Variants in DPY19L3 observed in about 807,000 individuals in gnomAD.
The protein encoded by DPY19L3 is protein C-mannosyl-transferase DPY19L3.
A neutral mutation model predicts 92.3 loss-of-function variants in DPY19L3; 51 were observed. The ratio of observed to expected loss-of-function variants is 0.55; its 90% CI spans 0.44 to 0.70. The LOEUF is 0.70. Among genes scored for constraint, DPY19L3 ranks in the 30% least tolerant of loss-of-function variants. The pLI is 0.00. For synonymous variants in DPY19L3, 309 were observed against 315.2 expected (o/e 0.98, Z 0.21); for missense variants, 706 against 855.9 (o/e 0.82, Z 2.18).
chr19:32,441,689 G>A (rs1181224203), intron 8 of DPY19L3, among the ~76,000 whole-genome samples: 1 of 151,968 alleles, frequency 6.6e-6, no homozygotes, highest in Non-Finnish European at 1.5e-5. Flanking sequence ...GTAGAGACAG[G>A]GTTTTGCCAT....
intron 1 of DPY19L3, among the ~76,000 whole-genome samples, chr19:32,407,719 A>G (rs1968023903): frequency 6.6e-6 from 1 of 152,210 alleles, no homozygotes; most frequent in Non-Finnish European, 1.5e-5. Flanking sequence ...ATGCTTCATG[A>G]ATAAATATGA....
chr19:32,478,561 T>C (rs1275200417), intron 17 of DPY19L3, among the ~76,000 whole-genome samples: 1 of 152,196 alleles, frequency 6.6e-6, no homozygotes, highest in African/African-American at 2.4e-5. Context: ...AGGCAGATAA[T>C]GTTAGCAGTT....
intron 18 of DPY19L3, 52 bp from the exon 19 acceptor site, chr19:32,482,027 T>G: frequency 6.3e-7 from 1 of 1,592,088 alleles, no homozygotes; most frequent in Non-Finnish European, 8.6e-7. Context: ...CTACTGTCTT[T>G]TGTAAATAGA....
At chr19:32,458,635 T>C in intron 12 of DPY19L3, 126 bp downstream of exon 12, 11 of 988,490 alleles carry the variant, frequency 1.1e-5, no homozygotes, top group Non-Finnish European at 1.3e-5. Context: ...AGGGGGAACA[T>C]ACCTCGTTTA....
At chr19:32,465,707 G>C (rs1046290117) in intron 15 of DPY19L3, among the ~76,000 whole-genome samples, 4 of 151,980 alleles carry the variant, frequency 2.6e-5, no homozygotes, top group Non-Finnish European at 2.9e-5. Context: ...TCAGGCTAAA[G>C]AAAATATTGC....
At chr19:32,467,325 A>G (rs1275425230) in intron 15 of DPY19L3, 1 of 588,978 alleles carries the variant, frequency 1.7e-6, no homozygotes, top group African/African-American at 2.0e-5. Context: ...CACAGATTTC[A>G]AATATGTTTA....
intron 18 of DPY19L3, chr19:32,481,752 C>G (rs780252259): frequency 2.2e-4 from 40 of 185,700 alleles, no homozygotes; most frequent in Non-Finnish European, 4.0e-4. Context: ...AGAGCTTTCT[C>G]TGATCACTGT....
intron 9 of DPY19L3, among the ~76,000 whole-genome samples, chr19:32,454,446 C>T (rs1209281103): frequency 2.0e-5 from 3 of 151,832 alleles, no homozygotes; most frequent in Non-Finnish European, 2.9e-5. Flanking sequence ...TTGTGGCAGG[C>T]GCCTGTAGTC....
At chr19:32,478,033 C>T (rs147364430) in intron 17 of DPY19L3, among the ~76,000 whole-genome samples, 1 of 152,268 alleles carries the variant, frequency 6.6e-6, no homozygotes, top group African/African-American at 2.4e-5. Context: ...GAAAGACTTG[C>T]CCCCATGATT....
intron 3 of DPY19L3, among the ~76,000 whole-genome samples, chr19:32,431,004 G>A (rs1009508822): frequency 6.6e-6 from 1 of 152,064 alleles, no homozygotes; most frequent in African/African-American, 2.4e-5. Context: ...TGAGCTAAAA[G>A]AAGTTCATCA....
At chr19:32,446,685 T>G (rs1568343053) in intron 8 of DPY19L3, among the ~76,000 whole-genome samples, 1 of 152,194 alleles carries the variant, frequency 6.6e-6, no homozygotes, top group East Asian at 1.9e-4. Flanking sequence ...TAAGTGTACC[T>G]GCACCAAACA....
At chr19:32,452,577 T>C (rs1353880046) in intron 8 of DPY19L3, among the ~76,000 whole-genome samples, 2 of 152,256 alleles carry the variant, frequency 1.3e-5, no homozygotes, top group Admixed American at 6.5e-5. Flanking sequence ...CATTCTGCTG[T>C]TGTTTACTTC....
At chr19:32,415,130 C>G (rs763164710) in intron 3 of DPY19L3, among the ~76,000 whole-genome samples, 4 of 152,148 alleles carry the variant, frequency 2.6e-5, no homozygotes, top group Non-Finnish European at 5.9e-5. Context: ...GGCCATGCCC[C>G]CAAGGAACTT....
At chr19:32,459,027 T>G (rs1299547005) in intron 12 of DPY19L3, among the ~76,000 whole-genome samples, 1 of 152,226 alleles carries the variant, frequency 6.6e-6, no homozygotes. Context: ...TCTTGAAATG[T>G]AAGAGTTAAT....
intron 3 of DPY19L3, among the ~76,000 whole-genome samples, chr19:32,422,410 TA>T (rs1968601190): frequency 6.6e-6 from 1 of 152,154 alleles, no homozygotes; most frequent in Non-Finnish European, 1.5e-5. Context: ...AGAATCATTA[TA>T]GAAATTATGA....
chr19:32,412,234 C>A (rs1184677365), intron 3 of DPY19L3: 1 of 151,860 alleles, frequency 6.6e-6, no homozygotes, highest in Non-Finnish European at 1.5e-5. Context: ...AGCAGTTATT[C>A]TAAATTAGTA....
intron 5 of DPY19L3, 141 bp downstream of exon 5, chr19:32,436,708 T>A (rs1295919933): frequency 1.3e-6 from 1 of 762,768 alleles, no homozygotes; most frequent in African/African-American, 1.8e-5. Flanking sequence ...TTTCCATGTA[T>A]ATTATGAACT....
chr19:32,451,021 G>T (rs1264437372), intron 8 of DPY19L3, among the ~76,000 whole-genome samples: 2 of 152,066 alleles, frequency 1.3e-5, no homozygotes, highest in Non-Finnish European at 2.9e-5. Flanking sequence ...TAAGGTGCTG[G>T]GGATACAGCA....
chr19:32,478,713 T>G (rs915154125), intron 17 of DPY19L3, among the ~76,000 whole-genome samples: 1 of 152,266 alleles, frequency 6.6e-6, no homozygotes, highest in Admixed American at 6.5e-5. Flanking sequence ...ACATTCTATA[T>G]TCAGTATATT....
Sources: allele counts gnomAD v4.1 joint callset (sites outside exome capture counted in the v4.1 genomes callset), GRCh38; gene constraint gnomAD v4.1.1; transcripts MANE v1.5; gene names NCBI Gene and HGNC (gene_info 2026-07-23, HGNC 2026-07-21).